Variants in ZNF16 observed in about 807,000 individuals in gnomAD.
ZNF16 encodes zinc finger protein 16, also known as zinc finger protein KOX9.
ZNF16 carries 7 observed loss-of-function variants against 9.0 expected under a neutral mutation model. The ratio of observed to expected loss-of-function variants is 0.78; its 90% CI spans 0.44 to 1.47. ZNF16 has a LOEUF of 1.47. Among genes scored for constraint, ZNF16 ranks in the 40% most tolerant of loss-of-function variants. ZNF16 has a pLI of 0.01. For synonymous variants in ZNF16, 312 were observed against 301.5 expected, an observed-to-expected ratio of 1.03 and a Z score of -0.36; for missense variants, 830 against 854.2, an observed-to-expected ratio of 0.97 and a Z score of 0.35.
intron 2 of ZNF16, among the ~76,000 whole-genome samples, chr8:144,939,211 T>C (rs1833747484): frequency 6.6e-6 from 1 of 152,214 alleles, no homozygotes; most frequent in Non-Finnish European, 1.5e-5. Flanking sequence ...TTATCTGGCT[T>C]TGGAATCAGT....
At chr8:144,935,029 T>C (rs1476946274) in intron 2 of ZNF16, among the ~76,000 whole-genome samples, 2 of 152,028 alleles carry the variant, frequency 1.3e-5, no homozygotes, top group Admixed American at 6.5e-5. Flanking sequence ...TAGATCAAAG[T>C]CTTTTATTGA....
chr8:144,935,252 G>A (rs1005855255), intron 2 of ZNF16, among the ~76,000 whole-genome samples: 12 of 151,780 alleles, frequency 7.9e-5, no homozygotes, highest in Non-Finnish European at 1.6e-4. Context: ...GCCCAGGCTC[G>A]AGTGCAACGG....
rs1563919723 is a variant in ZNF16, at chr8:144,933,300, T to C, written c.197-710A>G. 6.6e-6 allele frequency among the ~76,000 whole-genome samples: 1 copy of C among 152,248 alleles called. No individual in the cohort carries two copies. The highest frequency in any genetic ancestry group is 1.5e-5 in the Non-Finnish European group (1 of 68,020). On this transcript the variant is annotated intron_variant, in intron 2 of 2. Transcript: ENST00000394909. The surrounding 1 kb of genome is among the most constrained non-coding windows in gnomAD (Gnocchi z 5.6). ...TCCATCCTGTTCAACAGAGGACCCT[T>C]TAGAGACTGCTGTGTCCTGTCAAAG... is the stretch of plus-strand genomic sequence containing the variant.
intron 2 of ZNF16, among the ~76,000 whole-genome samples, chr8:144,943,913 T>C (rs746725970): frequency 4.5e-4 from 68 of 152,324 alleles, no homozygotes; most frequent in Non-Finnish European, 9.4e-4. Context: ...CCTGCTCAAA[T>C]CTACTGCTGA....
chr8:144,949,831 T>A (rs1834051795), intron 1 of ZNF16, among the ~76,000 whole-genome samples: 1 of 152,192 alleles, frequency 6.6e-6, no homozygotes, highest in Non-Finnish European at 1.5e-5. Flanking sequence ...AAATATGGCC[T>A]CATGGGATGA....
chr8:144,942,270 G>T (rs528454535), intron 2 of ZNF16, among the ~76,000 whole-genome samples: 2 of 150,734 alleles, frequency 1.3e-5, no homozygotes, highest in African/African-American at 4.9e-5. Flanking sequence ...GAGCCACCAT[G>T]CCTGGCCCAT....
chr8:144,940,146 T>A (rs1833768482), intron 2 of ZNF16, among the ~76,000 whole-genome samples: 1 of 152,102 alleles, frequency 6.6e-6, no homozygotes, highest in Non-Finnish European at 1.5e-5. Flanking sequence ...TGGCATGATC[T>A]CAGCTCACTG....
intron 2 of ZNF16, among the ~76,000 whole-genome samples, chr8:144,942,068 C>A (rs1352465460): frequency 6.7e-6 from 1 of 149,410 alleles, no homozygotes; most frequent in Non-Finnish European, 1.5e-5. Context: ...AGCTCCGTCT[C>A]CCGGGTTCAC....
chr8:144,931,921 C>T lies in ZNF16; in HGVS notation c.866G>A (p.Ser289Asn). The change falls in exon 3 of 3, where the codon AGT becomes AAT. Residue 289 changes from serine to asparagine, a missense_variant. Physicochemically the swap from Ser to Asn is conservative, Grantham distance 46. Coordinates refer to ENST00000394909, the MANE Select transcript of ZNF16 (RefSeq NM_006958.3). ...DFSRHQSHHS[S>N]ERPYMCNECG... ...TTCATTACACATATAAGGCCTCTCA[C>T]TGCTGTGGTGACTCTGATGCCTAGA... The T allele has an allele frequency of 6.2e-7, 1 of 1,613,616 alleles. No homozygotes were observed.
rs749958115 is a variant in ZNF16, at chr8:144,946,233, C to A, written c.-9-18G>T. On this transcript the variant is annotated intron_variant, in intron 1 of 2. Transcript: ENST00000394909. ...ACAAGGACCTGAAAACCGGCAAGAA[C>A]ACAGGTGAGTCTACAGACAGGCTAG... 1 of 1,499,054 alleles carries A rather than the reference C, an allele frequency of 6.7e-7. No individual in the cohort carries two copies. Among genetic ancestry groups the A allele is most frequent in the South Asian group, 1.4e-5 (1 of 72,076 alleles). 92.9% of individuals were successfully genotyped at this position (1,499,054 alleles called of 1,614,324 possible).
chr8:144,931,566 AC>A lies in ZNF16; in HGVS notation c.1220del (p.Cys407LeufsTer164). On this transcript the variant is annotated frameshift_variant, in exon 3 of 3. Transcript: ENST00000394909. LOFTEE classifies it low-confidence loss of function (END_TRUNC). ...RVHTGEKPYECNDCGKPFSRV... is the reference protein window; with the variant it reads ...RVHTGEKPYEXNDCGKPFSRV... ...GACTGAAGGGCTTGCCACAATCATT[AC>A]ACTCATAAGGCTTCTCTCCAGTGTG... 6.2e-7 allele frequency: 1 copy of A among 1,613,990 alleles called. No individual in the cohort carries two copies. Among genetic ancestry groups the A allele is most frequent in the Non-Finnish European group, 8.5e-7 (1 of 1,179,976 alleles).
chr8:144,936,896 C>T (rs981576399), intron 2 of ZNF16, among the ~76,000 whole-genome samples: 7 of 151,798 alleles, frequency 4.6e-5, no homozygotes, highest in African/African-American at 7.3e-5. Context: ...GGTTTCATCA[C>T]GTTGGCCAGC....
chr8:144,931,475 A>C lies in ZNF16; in HGVS notation c.1312T>G (p.Cys438Gly). 6.8e-6 allele frequency: 11 copies of C among 1,614,138 alleles called. No individual in the cohort carries two copies. The highest frequency in any genetic ancestry group is 9.3e-6 in the Non-Finnish European group (11 of 1,180,020). ...TGEKPYKCSDCGKAFSQSSSL... is the reference protein window; with the variant it reads ...TGEKPYKCSDGGKAFSQSSSL... ...GAGCTCTGACTAAATGCTTTCCCAC[A>C]GTCACTGCACTTATAGGGCTTCTCT... Residue 438 changes from cysteine (C) to glycine (G), a missense_variant, in exon 3 of 3, where the codon TGT becomes GGT. Transcript: ENST00000394909.
At chr8:144,944,000 TGATA>T (rs1219701090) in intron 2 of ZNF16, 1 of 152,176 alleles carries the variant, frequency 6.6e-6, no homozygotes, top group African/African-American at 2.4e-5. Context: ...TATTTCTTAT[TGATA>T]TTTTCATTTT....
At chr8:144,946,518 T>G (rs1022155443) in intron 1 of ZNF16, among the ~76,000 whole-genome samples, 21 of 140,080 alleles carry the variant, frequency 1.5e-4, no homozygotes, top group African/African-American at 4.9e-4. Context: ...CCCCACAGGG[T>G]CTGTGTCCTG....
At chr8:144,940,619 C>G (rs1214647077) in intron 2 of ZNF16, among the ~76,000 whole-genome samples, 1 of 152,188 alleles carries the variant, frequency 6.6e-6, no homozygotes, top group East Asian at 1.9e-4. Context: ...TGTGGTCTAA[C>G]ATATGGTTTG....
intron 2 of ZNF16, among the ~76,000 whole-genome samples, chr8:144,936,082 C>A (rs572864015): frequency 1.3e-5 from 2 of 152,318 alleles, no homozygotes; most frequent in East Asian, 1.9e-4. Context: ...TTATCCCCAT[C>A]TTCCTCTCCC....
At chr8:144,943,702 T>TATA (rs77143540) in intron 2 of ZNF16, among the ~76,000 whole-genome samples, 38,434 of 151,686 alleles carry the variant, frequency 0.25, 4,942 homozygotes, top group Middle Eastern at 0.35. Flanking sequence ...GTAGTTTTAG[T>TATA]AGAGACAGGG....
chr8:144,931,986 G>A lies in ZNF16; in HGVS notation c.801C>T (p.Cys267=), dbSNP rs1833560315. ...CTCGGAAGGCTTTCCCACATTCGCT[G>A]CACTGGTAAGCTTTCTCACTCATAT... ...RSHMSEKAYQ[C]SECGKAFRGH... The change falls in exon 3 of 3, where the codon TGC becomes TGT. Residue 267 remains cysteine, a synonymous_variant. Transcript: ENST00000394909. The A allele has an allele frequency of 5.6e-6, 9 of 1,613,950 alleles. No individual in the cohort carries two copies. Among genetic ancestry groups the A allele is most frequent in the South Asian group, 1.1e-5 (1 of 91,076 alleles).
Sources: gnomAD v4.1 joint callset for allele counts (sites outside exome capture counted in the v4.1 genomes callset) on GRCh38, gnomAD v4.1.1 for gene constraint, Gnocchi (gnomAD v3.1) non-coding constraint, MANE v1.5 for transcripts, NCBI Gene and HGNC (gene_info 2026-07-23, HGNC 2026-07-21) for gene names.